The following SLC38A11 variants were observed in gnomAD, a reference collection of about 807,000 sequenced individuals.
The protein encoded by SLC38A11 is solute carrier family 38 member 11.
In SLC38A11, 51 loss-of-function variants were observed where a neutral mutation model predicts 49.4. The ratio of observed to expected loss-of-function variants is 1.03; its 90% confidence interval spans 0.83 to 1.30. SLC38A11 has a LOEUF of 1.30. Ranked by LOEUF, SLC38A11 falls within the 50% of genes most tolerant of loss-of-function variation. SLC38A11 has a pLI of 0.00. For missense variants in SLC38A11, 574 were observed against 556.2 expected, an observed-to-expected ratio of 1.03 and a Z score of -0.32; for synonymous variants, 203 against 192.9, an observed-to-expected ratio of 1.05 and a Z score of -0.43.
rs149969529 is a variant in SLC38A11 at position 164,923,658 on chromosome 2, G to A, written c.618-7685C>T. 4.5e-3 allele frequency among the ~76,000 whole-genome samples: 691 copies of A among 152,036 alleles called. 2 individuals are homozygous for A. The highest frequency in any genetic ancestry group is 0.015 in the African/African-American group (604 of 41,480). On this transcript the variant is annotated intron_variant, in intron 7 of 11. Coordinates refer to ENST00000685975, the MANE Select transcript of SLC38A11 (RefSeq NM_001351537.2). ...AAAATAAAAAAAAAATTAGCCACGC[G>A]TGGTGGTGCACACCTGTAGTCCCAG...
chr2:164,932,115 ACT>A (rs1559114411), intron 7 of SLC38A11, among the ~76,000 whole-genome samples: 1 of 152,044 alleles, frequency 6.6e-6, no homozygotes, highest in Non-Finnish European at 1.5e-5. Context: ...GGACATGAAC[ACT>A]CTTCAAAAGA....
chr2:164,898,213 G>C lies in SLC38A11; in HGVS notation c.*224C>G, dbSNP rs955493516. 2.3e-6 allele frequency: 1 copy of C among 437,002 alleles called. No individual in the cohort carries two copies. The highest frequency in any genetic ancestry group is 2.0e-5 in the African/African-American group (1 of 49,880). 27.1% of individuals were successfully genotyped at this position (437,002 alleles called of 1,614,324 possible). The stretch of plus-strand genomic sequence containing the variant: ...ACTCTCCCTTCTTCAATTAGCATTA[G>C]TGTAGTGCAGTCATTAGAACAAAAC... On this transcript the variant is annotated 3_prime_UTR_variant, in exon 12 of 12. Coordinates refer to ENST00000685975, the MANE Select transcript of SLC38A11 (RefSeq NM_001351537.2).
chr2:164,915,294 G>A (rs1460423567), intron 8 of SLC38A11, 21 bp from the exon 9 acceptor site: 1 of 1,573,854 alleles, frequency 6.4e-7, no homozygotes, highest in Non-Finnish European at 8.6e-7. Context: ...AAAAAAAAGA[G>A]CATTATTAAA....
chr2:164,947,424 G>A (rs1006532099), intron 3 of SLC38A11, among the ~76,000 whole-genome samples: 6 of 151,944 alleles, frequency 3.9e-5, no homozygotes, highest in Non-Finnish European at 8.8e-5. Context: ...AAGCTACCGC[G>A]CCTGGCCTTT....
chr2:164,952,370 T>C (rs1375567501), intron 3 of SLC38A11, among the ~76,000 whole-genome samples: 1 of 152,170 alleles, frequency 6.6e-6, no homozygotes, highest in Non-Finnish European at 1.5e-5. Flanking sequence ...CACGAAGCCC[T>C]GCTATCTGCA....
intron 3 of SLC38A11, among the ~76,000 whole-genome samples, chr2:164,948,713 G>T (rs367642335): frequency 6.6e-6 from 1 of 152,108 alleles, no homozygotes; most frequent in Non-Finnish European, 1.5e-5. Flanking sequence ...AGCTCAGGAA[G>T]TGGTAATGAT....
chr2:164,945,440 A>C, intron 4 of SLC38A11, 153 bp downstream of exon 4: 1 of 643,434 alleles, frequency 1.6e-6, no homozygotes, highest in Non-Finnish European at 2.4e-6. Context: ...CCAGAAAATA[A>C]GGGAGAAAAT....
At chr2:164,921,400 C>G (rs772845030) in intron 7 of SLC38A11, among the ~76,000 whole-genome samples, 1 of 152,120 alleles carries the variant, frequency 6.6e-6, no homozygotes, top group African/African-American at 2.4e-5. Flanking sequence ...TAGCTCACTG[C>G]AGCCTCAAAC....
rs1336661386 is a variant in SLC38A11 at position 164,896,994 on chromosome 2, C to T, written c.*1443G>A. On this transcript the variant is annotated 3_prime_UTR_variant, in exon 12 of 12. Coordinates refer to ENST00000685975, the MANE Select transcript of SLC38A11 (RefSeq NM_001351537.2). ...TTATTTGGCAACAATTAATATAGTG[C>T]CACAGATGGACAACCTGATTGGAAT... 8 of 151,904 alleles carry T rather than the reference C, an allele frequency of 5.3e-5. No homozygotes were observed. Among genetic ancestry groups the T allele is most frequent in the South Asian group, 2.1e-4 (1 of 4,814 alleles). 9.4% of individuals were successfully genotyped at this position (151,904 alleles called of 1,614,324 possible).
At position 164,945,648 on chromosome 2, in the gene SLC38A11, G is replaced by T. The variant is rs142998663; in HGVS notation, c.309C>A (p.Phe103Leu). ...DTYQSLVNKT[F>L]GFPGYLLLSV... ...AGAGGAGCAGATACCCTGGAAAGCC[G>T]AAAGTTTTATTGACCAAAGACTGGT... is the stretch of plus-strand genomic sequence containing the variant. The change falls in exon 4 of 12, where the codon TTC becomes TTA. Residue 103 changes from phenylalanine to leucine, a missense_variant. Physicochemically the swap from Phe to Leu is conservative, Grantham distance 22. Transcript: ENST00000685975. 2.5e-6 allele frequency: 4 copies of T among 1,611,554 alleles called. No individual in the cohort carries two copies. In the East Asian group the frequency reaches 6.7e-5, roughly 27 times the overall value.
chr2:164,939,426 GCCCATTTAAAATGTAAAAAT>G lies in SLC38A11; in HGVS notation c.537+4_537+23del. On this transcript the variant is annotated splice_donor_5th_base_variant and intron_variant, in intron 6 of 11. Coordinates refer to ENST00000685975, the MANE Select transcript of SLC38A11 (RefSeq NM_001351537.2). ...TGCAGGCAACAAGGTACATTTCTAT[GCCCATTTAAAATGTAAAAAT>G]TACCTTTCCAAGCTTTGCTATATTT... The G allele has an allele frequency of 6.8e-7, 1 of 1,477,374 alleles. No individual in the cohort carries two copies. The highest frequency in any genetic ancestry group is 9.4e-7 in the Non-Finnish European group (1 of 1,063,276). 91.5% of individuals were successfully genotyped at this position (1,477,374 alleles called of 1,614,324 possible).
rs75923468 is a variant in SLC38A11, at chr2:164,943,423, C to A, written c.430+1146G>T. Among the ~76,000 whole-genome samples, 732 of 152,238 alleles carry A rather than the reference C, an allele frequency of 4.8e-3. 19 individuals are homozygous for A. In the East Asian group the frequency reaches 0.087, roughly 18 times the overall value. On this transcript the variant is annotated intron_variant, in intron 5 of 11. Coordinates refer to ENST00000685975, the MANE Select transcript of SLC38A11 (RefSeq NM_001351537.2). Reference sequence around the variant, plus strand: ...CTCAGAAATAATTTGTTAAAAAGAGCAAACTACTGATATATTGAAAGACAC... The same window carrying A: ...CTCAGAAATAATTTGTTAAAAAGAGAAAACTACTGATATATTGAAAGACAC...
intron 11 of SLC38A11, among the ~76,000 whole-genome samples, chr2:164,901,314 G>A (rs1400160096): frequency 6.6e-6 from 1 of 151,934 alleles, no homozygotes; most frequent in Non-Finnish European, 1.5e-5. Flanking sequence ...ATTTTGATAG[G>A]AATTATGTTG....
intron 11 of SLC38A11, among the ~76,000 whole-genome samples, chr2:164,905,500 T>C (rs916959840): frequency 9.2e-5 from 14 of 152,144 alleles, no homozygotes; most frequent in Non-Finnish European, 1.5e-4. Context: ...TGATCCAGCG[T>C]GTATTAGTTA....
chr2:164,939,609 G>A, intron 5 of SLC38A11, 53 bp from the exon 6 acceptor site: 1 of 1,185,012 alleles, frequency 8.4e-7, no homozygotes, highest in East Asian at 2.4e-5. Context: ...ACACATTGGT[G>A]ACACACTAAA....
chr2:164,923,799 A>AAAAT, intron 7 of SLC38A11, among the ~76,000 whole-genome samples: 2 of 146,044 alleles, frequency 1.4e-5, no homozygotes, highest in Admixed American at 1.4e-4. Flanking sequence ...CCTGTCTTGA[A>AAAAT]AAATAAAAAA....
intron 7 of SLC38A11, among the ~76,000 whole-genome samples, chr2:164,935,644 T>C (rs1169327673): frequency 2.0e-5 from 3 of 151,638 alleles, no homozygotes; most frequent in Non-Finnish European, 4.4e-5. Flanking sequence ...GATTGCACCA[T>C]TGCACTCCAG....
chr2:164,922,159 C>T (rs553053393), intron 7 of SLC38A11: 5 of 152,298 alleles, frequency 3.3e-5, no homozygotes, highest in African/African-American at 1.2e-4. Context: ...AAAAAGGAGC[C>T]TCAGAACTTA....
At chr2:164,936,112 G>A (rs1687355103) in intron 7 of SLC38A11, among the ~76,000 whole-genome samples, 1 of 152,094 alleles carries the variant, frequency 6.6e-6, no homozygotes, top group Admixed American at 6.5e-5. Flanking sequence ...CAATACAACT[G>A]TGAATCAGGA....
Sources: allele counts gnomAD v4.1 joint callset (sites outside exome capture counted in the v4.1 genomes callset), GRCh38; gene constraint gnomAD v4.1.1; transcripts MANE v1.5; gene names NCBI Gene and HGNC (gene_info 2026-07-23, HGNC 2026-07-21).